Variants in AFG2A observed in about 807,000 individuals in gnomAD.
AFG2A encodes the protein AAA ATPase AFG2A.
At chr4:122,935,492 A>G in the AFG2A span, among the ~76,000 whole-genome samples, 1 of 151,518 alleles carries the variant, frequency 6.6e-6, no homozygotes, top group African/African-American at 2.4e-5. Context: ...TTTTTAACCA[A>G]CATGCTTCCT....
chr4:123,102,644 T>C, the AFG2A span, among the ~76,000 whole-genome samples: 46 of 152,164 alleles, frequency 3.0e-4, no homozygotes, highest in African/African-American at 1.1e-3. Context: ...TAGAATCTCA[T>C]GTTTGAGAAC....
chr4:123,283,086 A>C, the AFG2A span, among the ~76,000 whole-genome samples: 2 of 152,152 alleles, frequency 1.3e-5, no homozygotes, highest in Non-Finnish European at 2.9e-5. Context: ...TCTCTAAAGC[A>C]TATGTTCCAC....
chr4:123,104,968 T>G, the AFG2A span, among the ~76,000 whole-genome samples: 4 of 152,186 alleles, frequency 2.6e-5, no homozygotes, highest in South Asian at 2.1e-4. Context: ...CTAAGATAAT[T>G]AATGAAGGTG....
the AFG2A span, among the ~76,000 whole-genome samples, chr4:122,983,464 A>T: frequency 1.3e-5 from 2 of 152,152 alleles, no homozygotes; most frequent in East Asian, 3.8e-4. Flanking sequence ...TTCCTCATAG[A>T]ACTACTTTTG....
At chr4:123,202,902 A>T in the AFG2A span, among the ~76,000 whole-genome samples, 1 of 152,146 alleles carries the variant, frequency 6.6e-6, no homozygotes, top group Non-Finnish European at 1.5e-5. Context: ...TTGCATCTGT[A>T]GTCCTAGCTA....
At chr4:123,071,490 A>G in the AFG2A span, among the ~76,000 whole-genome samples, 2 of 152,000 alleles carry the variant, frequency 1.3e-5, no homozygotes, top group Non-Finnish European at 2.9e-5. Context: ...CCCTCCAAAA[A>G]AAAAAAAAAA....
chr4:123,114,513 G>A, the AFG2A span, among the ~76,000 whole-genome samples: 1 of 152,224 alleles, frequency 6.6e-6, no homozygotes, highest in East Asian at 1.9e-4. Flanking sequence ...AGGCTGGTGT[G>A]TCAGTGCTGC....
the AFG2A span, among the ~76,000 whole-genome samples, chr4:123,136,727 C>T: frequency 1.3e-5 from 2 of 149,082 alleles, no homozygotes; most frequent in Non-Finnish European, 3.0e-5. Context: ...CTGTAATCCT[C>T]GCTACTTGGG....
chr4:122,929,263 A>G, the AFG2A span: 1 of 1,455,852 alleles, frequency 6.9e-7, no homozygotes. Flanking sequence ...AGAGTCACAA[A>G]TGTAAACCAC....
the AFG2A span, among the ~76,000 whole-genome samples, chr4:123,141,648 G>A: frequency 6.6e-6 from 1 of 152,288 alleles, no homozygotes; most frequent in Non-Finnish European, 1.5e-5. Flanking sequence ...AATATTTTGA[G>A]CTTGATGGGT....
chr4:123,259,110 G>T, the AFG2A span, among the ~76,000 whole-genome samples: 1 of 151,990 alleles, frequency 6.6e-6, no homozygotes, highest in Non-Finnish European at 1.5e-5. Context: ...CAGGTGATCC[G>T]CCCACCTTGG....
the AFG2A span, among the ~76,000 whole-genome samples, chr4:123,305,636 C>T: frequency 6.6e-6 from 1 of 152,178 alleles, no homozygotes; most frequent in East Asian, 1.9e-4. Flanking sequence ...TCAGCTTTTC[C>T]TTCCTGTTGA....
the AFG2A span, among the ~76,000 whole-genome samples, chr4:123,093,272 C>G: frequency 6.6e-6 from 1 of 152,124 alleles, no homozygotes. Context: ...AAGGTGTGGG[C>G]TTTTGGCAAC....
chr4:123,258,270 T>C, the AFG2A span, among the ~76,000 whole-genome samples: 1 of 152,226 alleles, frequency 6.6e-6, no homozygotes, highest in Non-Finnish European at 1.5e-5. Flanking sequence ...TGTTTTGGTC[T>C]GAATAGGTAG....
chr4:122,948,385 TATACACACACAC>T, the AFG2A span, among the ~76,000 whole-genome samples: 22 of 80,202 alleles, frequency 2.7e-4, no homozygotes, highest in African/African-American at 8.9e-4. Flanking sequence ...TTCTCCAGAG[TATACACACACAC>T]ACACACACAC....
chr4:122,934,015 T>C, the AFG2A span: 9 of 1,391,584 alleles, frequency 6.5e-6, no homozygotes, highest in African/African-American at 1.5e-5. Flanking sequence ...TTTCAGATAA[T>C]AGATGAAATA....
At chr4:122,981,877 T>C in the AFG2A span, among the ~76,000 whole-genome samples, 2 of 152,100 alleles carry the variant, frequency 1.3e-5, no homozygotes, top group Non-Finnish European at 2.9e-5. Context: ...ACTGAATTCA[T>C]TTATTGGTTT....
chr4:123,095,665 G>C, the AFG2A span, among the ~76,000 whole-genome samples: 1 of 151,274 alleles, frequency 6.6e-6, no homozygotes, highest in Non-Finnish European at 1.5e-5. Context: ...TAAAAGAGGC[G>C]ACGAAGAGTT....
chr4:123,040,120 C>T, the AFG2A span, among the ~76,000 whole-genome samples: 1 of 151,908 alleles, frequency 6.6e-6, no homozygotes, highest in Non-Finnish European at 1.5e-5. Flanking sequence ...GTAGGGTATA[C>T]GTATCTAGAA....
Sources: gnomAD v4.1 joint callset for allele counts (sites outside exome capture counted in the v4.1 genomes callset) on GRCh38, gnomAD v4.1.1 for gene constraint, MANE v1.5 for transcripts, NCBI Gene and HGNC (gene_info 2026-07-23, HGNC 2026-07-21) for gene names.